ALDH1A2: variants seen among roughly 807,000 people sequenced by gnomAD.
ALDH1A2 encodes the protein retinal dehydrogenase 2.
Under a neutral mutation model 60.3 loss-of-function variants are expected in ALDH1A2, and 27 were observed. The ratio of observed to expected loss-of-function variants is 0.45; its 90% CI spans 0.33 to 0.62. ALDH1A2 has a LOEUF of 0.62. Among genes scored for constraint, ALDH1A2 ranks in the 20% least tolerant of loss-of-function variants. The pLI, the probability that ALDH1A2 is intolerant of heterozygous loss-of-function variation, is 0.02. For missense variants in ALDH1A2, 581 were observed against 643.8 expected, an observed-to-expected ratio of 0.90 and a Z score of 1.06; for synonymous variants, 289 against 232.4, an observed-to-expected ratio of 1.24 and a Z score of -2.21.
chr15:58,003,796 G>A (rs369349715), intron 4 of ALDH1A2, among the ~76,000 whole-genome samples: 3 of 151,824 alleles, frequency 2.0e-5, no homozygotes, highest in East Asian at 3.9e-4. Flanking sequence ...TAACATTAGC[G>A]ATAATGTAAC....
chr15:57,999,145 G>A (rs376151021), intron 4 of ALDH1A2, among the ~76,000 whole-genome samples: 24 of 152,200 alleles, frequency 1.6e-4, no homozygotes, highest in African/African-American at 5.1e-4. Context: ...GCATAGGCAA[G>A]ATTGCATGAT....
chr15:58,046,957 T>G (rs1277141010), intron 1 of ALDH1A2, among the ~76,000 whole-genome samples: 1 of 152,026 alleles, frequency 6.6e-6, no homozygotes, highest in East Asian at 1.9e-4. Context: ...GGATAAAGAT[T>G]CAAAACAGTG....
chr15:58,010,712 T>G lies in ALDH1A2; in HGVS notation c.430A>C (p.Ile144Leu). The change falls in exon 4 of 13, where the codon ATC becomes CTC. Residue 144 changes from isoleucine (I) to leucine (L), a missense_variant. Around this residue, in one of 2 missense-constraint regions of ALDH1A2, gnomAD observed 375 missense variants for 469.7 expected, o/e 0.80. Coordinates refer to ENST00000249750, the MANE Select transcript of ALDH1A2 (RefSeq NM_003888.4). The stretch of plus-strand genomic sequence containing the variant: ...CCTGCGTAATATCGAAAGGTTTTGA[T>G]GACGCCCTGCAAATCCACATAAAAA... The part of the protein sequence containing the change: ...QAFYVDLQGV[I>L]KTFRYYAGWA... The G allele has an allele frequency of 1.2e-6, 2 of 1,613,650 alleles. No individual in the cohort carries two copies. The highest frequency in any genetic ancestry group is 2.2e-5 in the South Asian group (2 of 91,076).
chr15:58,061,171 C>T (rs1202170731), intron 1 of ALDH1A2, among the ~76,000 whole-genome samples: 5 of 151,968 alleles, frequency 3.3e-5, no homozygotes, highest in African/African-American at 7.3e-5. Context: ...AGGGCAGGAC[C>T]CCAGGAGAAT....
intron 1 of ALDH1A2, among the ~76,000 whole-genome samples, chr15:58,015,344 GTTTTCCTT>G (rs1490291949): frequency 3.3e-5 from 5 of 152,100 alleles, no homozygotes; most frequent in Non-Finnish European, 7.4e-5. Context: ...CCTTTTACAT[GTTTTCCTT>G]GATTTGATAA....
At chr15:57,967,117 A>T (rs757145532) in intron 7 of ALDH1A2, among the ~76,000 whole-genome samples, 1 of 151,864 alleles carries the variant, frequency 6.6e-6, no homozygotes, top group Non-Finnish European at 1.5e-5. Context: ...ACGACTTCGC[A>T]GGCAGCGGAG....
At chr15:57,977,795 T>C (rs142358093) in intron 7 of ALDH1A2, among the ~76,000 whole-genome samples, 2,667 of 152,354 alleles carry the variant, frequency 0.018, 44 homozygotes, top group South Asian at 0.057. Context: ...ATTTATAAAT[T>C]ACTTTGGGCA....
At chr15:58,037,372 G>C (rs1465858476) in intron 1 of ALDH1A2, among the ~76,000 whole-genome samples, 1 of 151,560 alleles carries the variant, frequency 6.6e-6, no homozygotes, top group Non-Finnish European at 1.5e-5. Context: ...GAGGAAACAG[G>C]AAGAAGAGAC....
At chr15:57,982,033 A>G (rs538988235) in intron 7 of ALDH1A2, among the ~76,000 whole-genome samples, 1 of 152,320 alleles carries the variant, frequency 6.6e-6, no homozygotes, top group African/African-American at 2.4e-5. Context: ...TCAATGTGCA[A>G]TCTCAAGCCC....
intron 5 of ALDH1A2, among the ~76,000 whole-genome samples, 153 bp downstream of exon 5, chr15:57,994,925 C>G (rs1344458841): frequency 1.3e-5 from 2 of 151,968 alleles, no homozygotes; most frequent in African/African-American, 4.8e-5. Context: ...TAAGCATTTG[C>G]AGGGAGGCTG....
At position 57,992,974 on chromosome 15, in the gene ALDH1A2, C is replaced by A; in HGVS notation, c.655G>T (p.Ala219Ser). ...IKPAEQTPLS[A>S]LYMGALIKEA... is the part of the protein sequence containing the mutation. ...TTGATGAGGGCTCCCATGTAGAGTG[C>A]ACTGAGTGGTGTTTGCTCTGCTGGC... The change falls in exon 6 of 13, where the codon GCA (alanine) becomes TCA (serine). Residue 219 changes from alanine to serine, a missense_variant. By Grantham distance (99) the Ala-to-Ser change is moderately conservative. This residue lies in a region of ALDH1A2 where 375 missense variants were observed against 469.7 expected (regional missense o/e 0.80). Transcript: ENST00000249750. 6.2e-7 allele frequency: 1 copy of A among 1,614,046 alleles called. No homozygotes were observed. The highest frequency in any genetic ancestry group is 8.5e-7 in the Non-Finnish European group (1 of 1,179,994).
chr15:58,050,660 T>A (rs1245344427), intron 1 of ALDH1A2, among the ~76,000 whole-genome samples: 1 of 152,170 alleles, frequency 6.6e-6, no homozygotes, highest in African/African-American at 2.4e-5. Flanking sequence ...GGAATATTAA[T>A]TTCCAGTTTA....
chr15:57,995,586 G>A (rs978265940), intron 4 of ALDH1A2, among the ~76,000 whole-genome samples: 2 of 151,912 alleles, frequency 1.3e-5, no homozygotes, highest in Non-Finnish European at 2.9e-5. Flanking sequence ...TAAAATGCTC[G>A]GCAACTGGAA....
chr15:58,044,922 T>C (rs1017976576), intron 1 of ALDH1A2, among the ~76,000 whole-genome samples: 3 of 151,900 alleles, frequency 2.0e-5, no homozygotes, highest in Non-Finnish European at 4.4e-5. Flanking sequence ...ATATGTTCCC[T>C]TCTCTGTAGA....
chr15:58,034,983 C>T (rs1324801042), intron 1 of ALDH1A2, among the ~76,000 whole-genome samples: 1 of 151,636 alleles, frequency 6.6e-6, no homozygotes, highest in South Asian at 2.1e-4. Flanking sequence ...ACGATGGCCT[C>T]ATAAAATGAG....
intron 9 of ALDH1A2, among the ~76,000 whole-genome samples, 178 bp from the exon 10 acceptor site, chr15:57,962,354 A>T (rs898031592): frequency 1.1e-4 from 16 of 152,216 alleles, no homozygotes; most frequent in African/African-American, 3.6e-4. Context: ...GCAATTTTGT[A>T]TGGTTAATCC....
At chr15:58,002,520 A>G (rs1162300332) in intron 4 of ALDH1A2, among the ~76,000 whole-genome samples, 14 of 152,100 alleles carry the variant, frequency 9.2e-5, no homozygotes, top group South Asian at 2.1e-4. Context: ...CACATCCTAT[A>G]TATTAATATA....
intron 5 of ALDH1A2, among the ~76,000 whole-genome samples, chr15:57,993,652 A>C (rs1894964948): frequency 6.6e-6 from 1 of 152,228 alleles, no homozygotes; most frequent in Non-Finnish European, 1.5e-5. Context: ...ACTGTAAAAG[A>C]AGCTATTGGA....
chr15:58,053,554 T>G (rs1396823036), intron 1 of ALDH1A2, among the ~76,000 whole-genome samples: 1 of 152,184 alleles, frequency 6.6e-6, no homozygotes, highest in Non-Finnish European at 1.5e-5. Context: ...TATGTACCCC[T>G]ATTTATGCAT....
Sources: gnomAD v4.1 joint callset for allele counts (sites outside exome capture counted in the v4.1 genomes callset) on GRCh38, gnomAD v4.1.1 for gene constraint, gnomAD v4.1.1 regional missense constraint, MANE v1.5 for transcripts, NCBI Gene and HGNC (gene_info 2026-07-23, HGNC 2026-07-21) for gene names.